ULK4: variants seen among roughly 807,000 people sequenced by gnomAD.
ULK4 encodes the protein inactive serine/threonine-protein kinase ULK4.
In ULK4, 133 loss-of-function variants were observed where a neutral mutation model predicts 160.6. The observed-to-expected ratio is 0.83, with a 90% CI of 0.72 to 0.96. ULK4 has a LOEUF of 0.96. ULK4 is among the 40% of genes least tolerant of loss of function. The pLI is 0.00. For synonymous variants in ULK4, 534 were observed against 539.8 expected (o/e 0.99, Z 0.15); for missense variants, 1,580 against 1,499.5 (o/e 1.05, Z -0.89).
intron 32 of ULK4, among the ~76,000 whole-genome samples, chr3:41,489,765 C>A (rs2084680036): frequency 6.6e-6 from 1 of 152,130 alleles, no homozygotes; most frequent in African/African-American, 2.4e-5. Context: ...TCCAGGAAAA[C>A]TGCCCCTCAG....
In ULK4 at chr3:41,681,539, G is replaced by A. The variant is rs2035921820; in HGVS notation, c.2947C>T (p.Leu983=). 1.9e-6 allele frequency: 3 copies of A among 1,614,016 alleles called. No homozygotes were observed. Among genetic ancestry groups the A allele is most frequent in the Non-Finnish European group, 2.5e-6 (3 of 1,179,962 alleles). ...KASVDSDSNL[L]ALIRDVLLPQ... is the part of the protein sequence containing the mutation. ...AGTAAGACATCTCGAATGAGAGCCAGAAGATTGCTGTCAGAATCAACACTG... is the reference window on the plus strand; with the variant it reads ...AGTAAGACATCTCGAATGAGAGCCAAAAGATTGCTGTCAGAATCAACACTG... The change falls in exon 29 of 37, where the codon CTG becomes TTG. Residue 983 remains leucine (L), a synonymous_variant. Coordinates refer to ENST00000301831, the MANE Select transcript of ULK4 (RefSeq NM_017886.4).
chr3:41,856,485 G>A (rs2042337246), intron 17 of ULK4, among the ~76,000 whole-genome samples: 1 of 141,550 alleles, frequency 7.1e-6, no homozygotes, highest in Non-Finnish European at 1.5e-5. Context: ...AGTACTCCAT[G>A]AGGACACATT....
intron 34 of ULK4, among the ~76,000 whole-genome samples, chr3:41,443,485 T>C (rs543111065): frequency 3.3e-5 from 5 of 152,208 alleles, no homozygotes; most frequent in Non-Finnish European, 5.9e-5. Context: ...GTGAAATGAC[T>C]AGTCACTAAT....
chr3:41,285,052 T>C (rs997871575), intron 35 of ULK4, among the ~76,000 whole-genome samples: 6 of 152,130 alleles, frequency 3.9e-5, no homozygotes, highest in African/African-American at 1.2e-4. Context: ...ACCATCTTAC[T>C]CCTGCAAGAA....
chr3:41,370,136 C>T (rs529256832), intron 35 of ULK4, among the ~76,000 whole-genome samples: 13 of 151,858 alleles, frequency 8.6e-5, no homozygotes, highest in South Asian at 2.1e-4. Context: ...AGAACCATTA[C>T]ACAAAAGATC....
At chr3:41,572,555 T>C (rs1426326838) in intron 31 of ULK4, among the ~76,000 whole-genome samples, 1 of 151,616 alleles carries the variant, frequency 6.6e-6, no homozygotes, top group African/African-American at 2.4e-5. Context: ...GGTCAGGAGA[T>C]TGAGACCATC....
intron 32 of ULK4, among the ~76,000 whole-genome samples, chr3:41,481,823 T>A (rs2084334521): frequency 9.4e-6 from 1 of 106,194 alleles, no homozygotes; most frequent in African/African-American, 4.8e-5. Context: ...CGAGACTCCG[T>A]CTCAAAAAAA....
Position 41,539,725 on chromosome 3 carries a change from C to T in ULK4, c.3226+26300G>A, listed in dbSNP as rs117379914. Among the ~76,000 whole-genome samples the T allele has an allele frequency of 9.9e-5, 15 of 152,262 alleles. No homozygotes were observed. The East Asian group carries it at 2.9e-3, about 29-fold the overall frequency. On this transcript the variant is annotated intron_variant, in intron 32 of 36. Transcript: ENST00000301831. ...ACTCTAACCACTGAAAACAAAACTT[C>T]AGTAGCTACTTACATCACATTACAG...
chr3:41,754,176 AG>A (rs2038719019), intron 22 of ULK4, among the ~76,000 whole-genome samples, 184 bp downstream of exon 22: 1 of 152,148 alleles, frequency 6.6e-6, no homozygotes, highest in Admixed American at 6.5e-5. Flanking sequence ...ACTCTGCTAT[AG>A]TTTCAGAGGT....
intron 32 of ULK4, 42 bp downstream of exon 32, chr3:41,565,983 T>A (rs763809951): frequency 1.4e-4 from 219 of 1,512,506 alleles, no homozygotes; most frequent in Middle Eastern, 5.1e-4. Context: ...AAGAAATGAA[T>A]AGGCAAAACT....
intron 25 of ULK4, among the ~76,000 whole-genome samples, chr3:41,714,653 A>G (rs1033016609): frequency 3.3e-5 from 5 of 152,154 alleles, no homozygotes; most frequent in African/African-American, 1.2e-4. Context: ...AGATAATGCA[A>G]TAACTTTTCA....
chr3:41,642,445 T>A (rs1018414939), intron 30 of ULK4, among the ~76,000 whole-genome samples: 1 of 152,126 alleles, frequency 6.6e-6, no homozygotes, highest in Non-Finnish European at 1.5e-5. Context: ...CAGTGTTTGG[T>A]TTTTTGTCCT....
chr3:41,276,290 C>T (rs1467901927), intron 35 of ULK4, among the ~76,000 whole-genome samples: 2 of 152,214 alleles, frequency 1.3e-5, no homozygotes, highest in Admixed American at 1.3e-4. Context: ...TCTGAGGAAA[C>T]TCTGTCTTCT....
At chr3:41,758,258 C>T (rs1369545078) in intron 21 of ULK4, among the ~76,000 whole-genome samples, 1 of 152,072 alleles carries the variant, frequency 6.6e-6, no homozygotes, top group East Asian at 1.9e-4. Context: ...TAAATTACCC[C>T]GTCTAAGGTA....
At position 41,863,058 on chromosome 3, in the gene ULK4, C is replaced by T. The variant is rs117654704; in HGVS notation, c.1656+20816G>A. Reference sequence around the variant, plus strand: ...TTCAGGGCGGCAAGGTCCCCTAAGTCCCAGGTGGGTCCAGAAGTGCCATCC... The same window carrying T: ...TTCAGGGCGGCAAGGTCCCCTAAGTTCCAGGTGGGTCCAGAAGTGCCATCC... On this transcript the variant is annotated intron_variant, in intron 17 of 36. Transcript: ENST00000301831. Among the ~76,000 whole-genome samples the T allele has an allele frequency of 7.8e-3, 1,172 of 151,208 alleles. 41 individuals carry two copies. The East Asian group carries it at 0.13, about 16-fold the overall frequency.
intron 35 of ULK4, among the ~76,000 whole-genome samples, chr3:41,341,102 C>T (rs925413182): frequency 6.6e-5 from 10 of 152,186 alleles, no homozygotes; most frequent in African/African-American, 2.2e-4. Flanking sequence ...CATCTCAGGA[C>T]AGTGACATAA....
intron 19 of ULK4, among the ~76,000 whole-genome samples, chr3:41,803,727 C>T (rs569391615): frequency 2.1e-3 from 316 of 152,096 alleles, no homozygotes; most frequent in African/African-American, 7.2e-3. Flanking sequence ...TGAGTGAGAA[C>T]ATGCGGTGTT....
chr3:41,855,620 C>T (rs6800084), intron 17 of ULK4, among the ~76,000 whole-genome samples: 20,139 of 152,136 alleles, frequency 0.13, 4,341 homozygotes, highest in African/African-American at 0.45. Flanking sequence ...CTAAATATAA[C>T]TAGTATTATT....
chr3:41,810,016 T>G (rs893206844), intron 19 of ULK4, among the ~76,000 whole-genome samples: 1 of 152,244 alleles, frequency 6.6e-6, no homozygotes, highest in Admixed American at 6.5e-5. Flanking sequence ...GAATTCTTGA[T>G]CACATTCAGC....
Sources: allele counts gnomAD v4.1 joint callset (sites outside exome capture counted in the v4.1 genomes callset), GRCh38; gene constraint gnomAD v4.1.1; transcripts MANE v1.5; gene names NCBI Gene and HGNC (gene_info 2026-07-23, HGNC 2026-07-21).